The following DNAH5 variants were observed in gnomAD, a reference collection of about 807,000 sequenced individuals.
The protein encoded by DNAH5 is dynein axonemal heavy chain 5.
DNAH5 carries 372 observed loss-of-function variants against 518.2 expected under a neutral mutation model. The observed-to-expected ratio is 0.72, with a 90% CI of 0.66 to 0.78. The LOEUF (loss-of-function observed/expected upper bound fraction) is 0.78. Among genes scored for constraint, DNAH5 ranks in the 30% least tolerant of loss-of-function variants. The probability of loss-of-function intolerance (pLI) is 0.00; values close to 1 mark genes in which losing one functional copy is unlikely to be tolerated. For synonymous variants in DNAH5, 2,039 were observed against 2,025.9 expected (o/e 1.01, Z -0.17); for missense variants, 5,523 against 5,687.0 (o/e 0.97, Z 0.93).
rs1260423928 is a variant in DNAH5, at chr5:13,750,998, C to A, written c.11211+80G>T. 61 of 1,461,616 alleles carry A rather than the reference C, an allele frequency of 4.2e-5. 2 individuals carry two copies. The South Asian group carries it at 7.1e-4, about 17-fold the overall frequency. 90.5% of individuals were successfully genotyped at this position (1,461,616 alleles called of 1,614,324 possible). A position where few individuals can be genotyped will look rare whatever the true frequency, so the allele number is the denominator to read the frequency against. ...AAAGGAGAGAAACTCAGTCCTATTA[C>A]AACTGTTATTATCTTATTTTTGTCA... On this transcript the variant is annotated intron_variant, in intron 65 of 78. Coordinates refer to ENST00000265104, the MANE Select transcript of DNAH5 (RefSeq NM_001369.3).
chr5:13,759,125 G>A, intron 60 of DNAH5, 142 bp from the exon 61 acceptor site: 1 of 1,115,494 alleles, frequency 9.0e-7, no homozygotes, highest in Non-Finnish European at 1.3e-6. Context: ...ATCACATTAA[G>A]TCCTGAACAA....
intron 1 of DNAH5, among the ~76,000 whole-genome samples, chr5:13,984,793 G>A (rs924478784): frequency 1.3e-5 from 2 of 152,130 alleles, no homozygotes; most frequent in Non-Finnish European, 2.9e-5. Context: ...TAATCATGTG[G>A]TTTTTGTCTT....
chr5:14,006,243 T>C (rs1169658337), intron 1 of DNAH5, among the ~76,000 whole-genome samples: 1 of 152,178 alleles, frequency 6.6e-6, no homozygotes, highest in Non-Finnish European at 1.5e-5. Context: ...AGCCTCAATT[T>C]TCCCACCTGT....
intron 22 of DNAH5, among the ~76,000 whole-genome samples, chr5:13,874,447 T>C (rs371343805): frequency 3.9e-5 from 6 of 152,210 alleles, no homozygotes; most frequent in East Asian, 3.8e-4. Context: ...GAAAATTAGA[T>C]GAACTACATA....
intron 60 of DNAH5, 107 bp from the exon 61 acceptor site, chr5:13,759,090 TG>T: frequency 6.9e-7 from 1 of 1,455,616 alleles, no homozygotes; most frequent in Non-Finnish European, 9.5e-7. Context: ...ACCTTTGCTT[TG>T]TTCCCGCTCC....
intron 17 of DNAH5, among the ~76,000 whole-genome samples, chr5:13,887,731 G>A (rs755795972): frequency 3.3e-5 from 5 of 152,124 alleles, no homozygotes; most frequent in African/African-American, 1.2e-4. Context: ...TTCAACCATT[G>A]TTTTGCTAAT....
chr5:13,945,598 G>A (rs1422589906), upstream of DNAH5, among the ~76,000 whole-genome samples: 1 of 151,842 alleles, frequency 6.6e-6, no homozygotes, highest in East Asian at 1.9e-4. Flanking sequence ...AAGTTTGTTT[G>A]CAGGATTTTT....
At chr5:13,832,423 A>G (rs1763796468) in intron 35 of DNAH5, among the ~76,000 whole-genome samples, 1 of 152,230 alleles carries the variant, frequency 6.6e-6, no homozygotes, top group Admixed American at 6.5e-5. Flanking sequence ...TTTCGGTGAC[A>G]AGCATGGATC....
intron 45 of DNAH5, among the ~76,000 whole-genome samples, 172 bp from the exon 46 acceptor site, chr5:13,809,358 G>C (rs1760224781): frequency 6.6e-6 from 1 of 152,066 alleles, no homozygotes; most frequent in Admixed American, 6.5e-5. Context: ...GAGTCAAAAC[G>C]TCCCAAGGAA....
chr5:13,819,573 A>G (rs1761952839), intron 41 of DNAH5, among the ~76,000 whole-genome samples: 1 of 152,096 alleles, frequency 6.6e-6, no homozygotes, highest in African/African-American at 2.4e-5. Flanking sequence ...CTAGAACCTC[A>G]ATGCACTGCT....
intron 8 of DNAH5, 111 bp from the exon 9 acceptor site, chr5:13,916,566 A>G: frequency 1.8e-6 from 1 of 565,696 alleles, no homozygotes; most frequent in South Asian, 1.9e-5. Flanking sequence ...TCTATTAAAG[A>G]TTTAAAAATA....
chr5:13,974,017 C>T (rs1285588425), intron 1 of DNAH5, among the ~76,000 whole-genome samples: 2 of 152,188 alleles, frequency 1.3e-5, no homozygotes, highest in East Asian at 3.8e-4. Flanking sequence ...CTTTTGCCTT[C>T]CTTTACTTTC....
rs1750509024 is a variant in DNAH5 at position 13,753,269 on chromosome 5, G to A, written c.10836C>T (p.Ile3612=). Residue 3612 remains isoleucine, a synonymous_variant, in exon 63 of 79, where the codon ATC becomes ATT. Coordinates refer to ENST00000265104, the MANE Select transcript of DNAH5 (RefSeq NM_001369.3). ...TTCGGCTTTCTTTATTTTTAATCCA[G>A]ATCTTGCCTTGAGTCTGTGGATCAA... ...LLIDPQTQGK[I]WIKNKESRNE... is the part of the protein sequence containing the mutation. The A allele has an allele frequency of 6.2e-7, 1 of 1,613,766 alleles. No homozygotes were observed. The highest frequency in any genetic ancestry group is 8.5e-7 in the Non-Finnish European group (1 of 1,179,882).
At chr5:13,834,744 G>A (rs564508804) in intron 35 of DNAH5, among the ~76,000 whole-genome samples, 5 of 152,324 alleles carry the variant, frequency 3.3e-5, no homozygotes, top group South Asian at 2.1e-4. Flanking sequence ...GCAGGGCTGC[G>A]CCACAGCTGT....
At chr5:13,938,636 T>G (rs1043578573) in intron 1 of DNAH5, among the ~76,000 whole-genome samples, 1 of 152,102 alleles carries the variant, frequency 6.6e-6, no homozygotes, top group Non-Finnish European at 1.5e-5. Flanking sequence ...CCATGGTTTC[T>G]GGCATTCAGT....
intron 3 of DNAH5, 108 bp from the exon 4 acceptor site, chr5:13,923,548 T>C (rs1343046315): frequency 1.7e-5 from 21 of 1,262,674 alleles, no homozygotes; most frequent in Middle Eastern, 2.4e-4. Flanking sequence ...GACTTGTCCA[T>C]GTGCCTTAGA....
At chr5:13,955,202 TC>T (rs1780679279) in intron 1 of DNAH5, among the ~76,000 whole-genome samples, 2 of 152,184 alleles carry the variant, frequency 1.3e-5, no homozygotes, top group African/African-American at 2.4e-5. Context: ...GTGTGGCACT[TC>T]CCCCCTCACT....
intron 43 of DNAH5, among the ~76,000 whole-genome samples, chr5:13,812,740 G>A (rs1229891589): frequency 6.6e-6 from 1 of 152,124 alleles, no homozygotes; most frequent in Non-Finnish European, 1.5e-5. Flanking sequence ...AGTCATTTGA[G>A]AAACCTAGTA....
chr5:13,829,836 C>T (rs1412780634), intron 37 of DNAH5, 132 bp from the exon 38 acceptor site: 11 of 1,119,068 alleles, frequency 9.8e-6, no homozygotes, highest in Middle Eastern at 2.0e-4. Context: ...ATCTCAATCT[C>T]GTTTTACCTG....
Sources: allele counts gnomAD v4.1 joint callset (sites outside exome capture counted in the v4.1 genomes callset), GRCh38; gene constraint gnomAD v4.1.1; transcripts MANE v1.5; gene names NCBI Gene and HGNC (gene_info 2026-07-23, HGNC 2026-07-21).